STK10: variants seen among roughly 807,000 people sequenced by gnomAD.
STK10 encodes serine/threonine kinase 10.
Under a neutral mutation model 113.8 loss-of-function variants are expected in STK10, and 78 were observed. The observed-to-expected ratio is 0.69, with a 90% CI of 0.57 to 0.83. The LOEUF is 0.83. Ranked by LOEUF, STK10 falls within the 40% of genes least tolerant of loss-of-function variation. The pLI, the probability that STK10 is intolerant of heterozygous loss-of-function variation, is 0.00. For synonymous variants in STK10, 465 were observed against 494.7 expected (o/e 0.94, Z 0.80); for missense variants, 1,109 against 1,280.1 (o/e 0.87, Z 2.04).
At chr5:172,136,240 G>T (rs1416835064) in intron 2 of STK10, among the ~76,000 whole-genome samples, 1 of 152,126 alleles carries the variant, frequency 6.6e-6, no homozygotes, top group Non-Finnish European at 1.5e-5. Context: ...GGCAAGCCTG[G>T]ATCATGAAGA....
At chr5:172,147,627 C>T (rs1316357113) in intron 2 of STK10, among the ~76,000 whole-genome samples, 1 of 152,162 alleles carries the variant, frequency 6.6e-6, no homozygotes, top group Non-Finnish European at 1.5e-5. Flanking sequence ...CTTCTGACCT[C>T]GTGATCTGCC....
At chr5:172,159,760 T>C (rs554006672) in intron 1 of STK10, among the ~76,000 whole-genome samples, 1 of 151,354 alleles carries the variant, frequency 6.6e-6, no homozygotes, top group Non-Finnish European at 1.5e-5. Context: ...AAGGCAGAGG[T>C]TGCAGTGAGC....
rs569045150 is a variant in STK10, at chr5:172,182,711, G to A, written c.156+5176C>T. Among the ~76,000 whole-genome samples, 15 of 151,562 alleles carry A rather than the reference G, an allele frequency of 9.9e-5. 1 individual carries two copies. In the South Asian group the frequency reaches 2.1e-3, roughly 21 times the overall value. ...TGGGATTACAGGCGCCCACCACCAC[G>A]CCTGGCTAATTTTTGTATTTTCCGT... On this transcript the variant is annotated intron_variant, in intron 1 of 18. Transcript: ENST00000176763.
chr5:172,076,073 G>A (rs1250007897), intron 12 of STK10, among the ~76,000 whole-genome samples: 1 of 151,990 alleles, frequency 6.6e-6, no homozygotes, highest in African/African-American at 2.4e-5. Context: ...TTGGCCTAAT[G>A]GTCTTAGATC....
rs1767464281 is a variant in STK10, at chr5:172,044,906, G to A, written c.2883C>T (p.Pro961=). 6.2e-7 allele frequency: 1 copy of A among 1,614,120 alleles called. No individual in the cohort carries two copies. Among genetic ancestry groups the A allele is most frequent in the Non-Finnish European group, 8.5e-7 (1 of 1,180,052 alleles). Residue 961 remains proline (P), a synonymous_variant, in exon 19 of 19, where the codon CCC becomes CCT. Coordinates refer to ENST00000176763, the MANE Select transcript of STK10 (RefSeq NM_005990.4). The surrounding 1 kb of genome is among the most constrained non-coding windows in gnomAD (Gnocchi z 4.5). ...STPSKAAKFF[P]YSSADAS ...GTTAAGAAGCATCCGCAGAACTGTAGGGGAAGAACTTGGCGGCCTTGCTTG... is the reference window on the plus strand; with the variant it reads ...GTTAAGAAGCATCCGCAGAACTGTAAGGGAAGAACTTGGCGGCCTTGCTTG...
intron 7 of STK10, among the ~76,000 whole-genome samples, chr5:172,098,065 T>C (rs1768898701): frequency 6.6e-6 from 1 of 152,104 alleles, no homozygotes; most frequent in South Asian, 2.1e-4. Flanking sequence ...ACAGGAAGGC[T>C]CTGATGAAAT....
chr5:172,076,587 T>G (rs1035902823), intron 12 of STK10, among the ~76,000 whole-genome samples: 19 of 152,182 alleles, frequency 1.2e-4, no homozygotes, highest in African/African-American at 4.6e-4. Context: ...CTCCCTTATT[T>G]CCCCAGTGGT....
At chr5:172,090,921 C>T (rs539663588) in intron 9 of STK10, among the ~76,000 whole-genome samples, 229 of 125,658 alleles carry the variant, frequency 1.8e-3, no homozygotes, top group Non-Finnish European at 3.0e-3. Flanking sequence ...GGCCATACAG[C>T]TAGACTCCGT....
chr5:172,090,245 TCTC>T lies in STK10; in HGVS notation c.1669_1671del (p.Glu557del). 1 of 1,613,972 alleles carries T rather than the reference TCTC, an allele frequency of 6.2e-7. No homozygotes were observed. The highest frequency in any genetic ancestry group is 8.5e-7 in the Non-Finnish European group (1 of 1,179,932). ...TCCCAGGCTTGCCTGAGAAATCTCA[TCTC>T]CTCATCCTTCTTCTCATCTTCGCTG... On this transcript the variant is annotated inframe_deletion, in exon 10 of 19. Transcript: ENST00000176763.
intron 2 of STK10, among the ~76,000 whole-genome samples, chr5:172,132,496 C>T (rs1329814878): frequency 6.6e-6 from 1 of 152,062 alleles, no homozygotes; most frequent in Non-Finnish European, 1.5e-5. Context: ...CAGTCCCCTG[C>T]TTCCTGGATA....
At chr5:172,072,367 T>C (rs28799615) in intron 12 of STK10, among the ~76,000 whole-genome samples, 34,527 of 151,916 alleles carry the variant, frequency 0.23, 5,269 homozygotes, top group African/African-American at 0.43. Context: ...ACCGGGTTCA[T>C]GCCATTCTCC....
At chr5:172,045,072 CGTGG>C (rs1561784703) in intron 18 of STK10, 50 bp from the exon 19 acceptor site, 2 of 1,601,462 alleles carry the variant, frequency 1.2e-6, no homozygotes, top group South Asian at 2.2e-5. Context: ...GCAGGCCACA[CGTGG>C]GTCTCCCACT....
intron 12 of STK10, among the ~76,000 whole-genome samples, chr5:172,067,394 T>C (rs1475588885): frequency 1.9e-5 from 2 of 103,450 alleles, no homozygotes; most frequent in East Asian, 5.7e-4. Context: ...AATAAATAAA[T>C]AAATAAATAA....
At chr5:172,066,920 A>C (rs1768085023) in intron 12 of STK10, among the ~76,000 whole-genome samples, 1 of 152,232 alleles carries the variant, frequency 6.6e-6, no homozygotes, top group African/African-American at 2.4e-5. Flanking sequence ...GCAAAGACCC[A>C]ACTAAACTAA....
intron 3 of STK10, among the ~76,000 whole-genome samples, chr5:172,126,390 C>A (rs1769619639): frequency 6.6e-6 from 1 of 152,158 alleles, no homozygotes; most frequent in African/African-American, 2.4e-5. Flanking sequence ...CATGGTGAAA[C>A]CCCATCACTA....
chr5:172,046,165 G>A (rs1767488955), intron 18 of STK10, among the ~76,000 whole-genome samples: 1 of 151,522 alleles, frequency 6.6e-6, no homozygotes, highest in African/African-American at 2.4e-5. Context: ...TTCAAGACCA[G>A]CCTGGCCAAC....
intron 1 of STK10, among the ~76,000 whole-genome samples, chr5:172,185,774 C>G (rs558224585): frequency 6.6e-6 from 1 of 152,166 alleles, no homozygotes; most frequent in African/African-American, 2.4e-5. Flanking sequence ...CTGGTGCCAC[C>G]AGGAAGAAGA....
intron 4 of STK10, among the ~76,000 whole-genome samples, chr5:172,109,326 C>CT (rs199749477): frequency 1.9e-3 from 274 of 143,544 alleles, no homozygotes; most frequent in Middle Eastern, 3.6e-3. Flanking sequence ...TAAATGAACA[C>CT]TTTTTTTTTT....
intron 14 of STK10, 23 bp downstream of exon 14, chr5:172,061,115 GC>G (rs748597383): frequency 6.3e-7 from 1 of 1,594,032 alleles, no homozygotes; most frequent in East Asian, 2.2e-5. Flanking sequence ...GGCCAAGACA[GC>G]GCTGCCACTT....
Sources: allele counts gnomAD v4.1 joint callset (sites outside exome capture counted in the v4.1 genomes callset), GRCh38; gene constraint gnomAD v4.1.1; non-coding constraint Gnocchi (gnomAD v3.1); transcripts MANE v1.5; gene names NCBI Gene and HGNC (gene_info 2026-07-23, HGNC 2026-07-21).